Variants in DRC11 observed in about 807,000 individuals in gnomAD.
DRC11 encodes dynein regulatory complex subunit 11.
At chr2:236,352,619 C>T in the DRC11 span, among the ~76,000 whole-genome samples, 8 of 152,156 alleles carry the variant, frequency 5.3e-5, no homozygotes, top group African/African-American at 1.9e-4. This position sits in a 1 kb window ranked among gnomAD's most constrained non-coding sequence, Gnocchi z 7.0. Context: ...ATAAACAACA[C>T]CTCTTCTCCC....
chr2:236,359,648 G>A, the DRC11 span, among the ~76,000 whole-genome samples: 7 of 152,224 alleles, frequency 4.6e-5, no homozygotes, highest in East Asian at 3.9e-4. This position sits in a 1 kb window ranked among gnomAD's most constrained non-coding sequence, Gnocchi z 4.3. Flanking sequence ...CAGCTCACAC[G>A]GCACAGTCAG....
chr2:236,314,298 C>T, the DRC11 span, among the ~76,000 whole-genome samples: 8 of 152,096 alleles, frequency 5.3e-5, no homozygotes, highest in African/African-American at 1.9e-4. This position sits in a 1 kb window ranked among gnomAD's most constrained non-coding sequence, Gnocchi z 4.5. Flanking sequence ...GCTACAAGTC[C>T]ACAACCATAC....
chr2:236,470,365 C>G, the DRC11 span, among the ~76,000 whole-genome samples: 1 of 152,172 alleles, frequency 6.6e-6, no homozygotes, highest in East Asian at 1.9e-4. This position sits in a 1 kb window ranked among gnomAD's most constrained non-coding sequence, Gnocchi z 5.1. Flanking sequence ...CTATTCCCAG[C>G]AAATGACCAT....
At chr2:236,323,386 A>G in the DRC11 span, among the ~76,000 whole-genome samples, 1 of 152,194 alleles carries the variant, frequency 6.6e-6, no homozygotes, top group Non-Finnish European at 1.5e-5. This position sits in a 1 kb window ranked among gnomAD's most constrained non-coding sequence, Gnocchi z 6.4. Context: ...TTTGGTAATG[A>G]GAAGGCAAGT....
the DRC11 span, among the ~76,000 whole-genome samples, chr2:236,326,586 ACTCT>A: frequency 6.7e-6 from 1 of 149,070 alleles, no homozygotes; most frequent in Non-Finnish European, 1.5e-5. Flanking sequence ...TTAGCTTCTG[ACTCT>A]CTAAGCTTTC....
chr2:236,485,280 GT>G, the DRC11 span, among the ~76,000 whole-genome samples: 2 of 151,652 alleles, frequency 1.3e-5, no homozygotes, highest in African/African-American at 2.4e-5. Flanking sequence ...TACATCATGT[GT>G]TTGTAAATAT....
At chr2:236,384,941 T>C in the DRC11 span, among the ~76,000 whole-genome samples, 18 of 151,936 alleles carry the variant, frequency 1.2e-4, no homozygotes, top group Non-Finnish European at 1.5e-4. Flanking sequence ...TGCTTGTTTT[T>C]CTCAGGTTTG....
chr2:236,459,448 A>G, the DRC11 span, among the ~76,000 whole-genome samples: 4 of 150,212 alleles, frequency 2.7e-5, no homozygotes, highest in Non-Finnish European at 4.5e-5. Context: ...ATTTTTACAA[A>G]TTGGAGAAAG....
At chr2:236,374,567 C>T in the DRC11 span, among the ~76,000 whole-genome samples, 1 of 152,130 alleles carries the variant, frequency 6.6e-6, no homozygotes, top group Admixed American at 6.5e-5. Context: ...CTGGGGAGGC[C>T]TCAGGAAACT....
chr2:236,412,049 T>TA, the DRC11 span, among the ~76,000 whole-genome samples: 20 of 145,592 alleles, frequency 1.4e-4, no homozygotes, highest in South Asian at 2.2e-4. Context: ...AGTATAATAA[T>TA]AAAAAAAAAA....
the DRC11 span, among the ~76,000 whole-genome samples, chr2:236,400,675 C>T: frequency 5.9e-5 from 9 of 152,158 alleles, no homozygotes; most frequent in South Asian, 2.1e-4. This position sits in a 1 kb window ranked among gnomAD's most constrained non-coding sequence, Gnocchi z 7.9. Flanking sequence ...TTGGGTGGCG[C>T]GGGCGTGCCT....
chr2:236,311,697 CGTGT>C, the DRC11 span, among the ~76,000 whole-genome samples: 1,999 of 138,688 alleles, frequency 0.014, 16 homozygotes, highest in African/African-American at 0.019. The surrounding 1 kb of genome is among the most constrained non-coding windows in gnomAD (Gnocchi z 6.9). Context: ...GGATGGGGTG[CGTGT>C]GTGTGTGTGT....
chr2:236,389,977 TA>T, the DRC11 span, among the ~76,000 whole-genome samples: 1 of 152,216 alleles, frequency 6.6e-6, no homozygotes, highest in African/African-American at 2.4e-5. Context: ...TTGGGTACAA[TA>T]ACTGTTAGGA....
the DRC11 span, among the ~76,000 whole-genome samples, chr2:236,357,068 A>G: frequency 0.14 from 7,473 of 55,128 alleles, 1,385 homozygotes; most frequent in African/African-American, 0.25. Flanking sequence ...TTATATATTC[A>G]TATATTATAT....
the DRC11 span, among the ~76,000 whole-genome samples, chr2:236,484,992 T>C: frequency 2.0e-4 from 30 of 152,316 alleles, no homozygotes; most frequent in African/African-American, 7.2e-4. Flanking sequence ...CCTAATTCCA[T>C]GCATGCTCTC....
the DRC11 span, among the ~76,000 whole-genome samples, chr2:236,467,873 A>C: frequency 1.3e-5 from 2 of 152,238 alleles, no homozygotes; most frequent in African/African-American, 4.8e-5. Flanking sequence ...AATGTAACAC[A>C]AATGTACACA....
the DRC11 span, among the ~76,000 whole-genome samples, chr2:236,469,249 A>G: frequency 6.6e-6 from 1 of 152,292 alleles, no homozygotes; most frequent in Non-Finnish European, 1.5e-5. This position sits in a 1 kb window ranked among gnomAD's most constrained non-coding sequence, Gnocchi z 5.8. Flanking sequence ...TCTGTTGCCC[A>G]GGCTGGAGTG....
At chr2:236,340,667 G>T in the DRC11 span, among the ~76,000 whole-genome samples, 1 of 152,182 alleles carries the variant, frequency 6.6e-6, no homozygotes, top group Admixed American at 6.5e-5. Context: ...ACACCTGCAT[G>T]GTCTGAGCCC....
At chr2:236,466,515 G>A in the DRC11 span, among the ~76,000 whole-genome samples, 37 of 152,316 alleles carry the variant, frequency 2.4e-4, 1 homozygote, top group African/African-American at 8.4e-4. Context: ...TCTGCAGGCT[G>A]TATGAGAAGC....
Sources: gnomAD v4.1 joint callset for allele counts (sites outside exome capture counted in the v4.1 genomes callset) on GRCh38, gnomAD v4.1.1 for gene constraint, Gnocchi (gnomAD v3.1) non-coding constraint, MANE v1.5 for transcripts, NCBI Gene and HGNC (gene_info 2026-07-23, HGNC 2026-07-21) for gene names.